The following COL25A1 variants were observed in gnomAD, a reference collection of about 807,000 sequenced individuals.
The protein encoded by COL25A1 is collagen alpha-1(XXV) chain.
A neutral mutation model predicts 128.4 loss-of-function variants in COL25A1; 103 were observed. The observed-to-expected ratio is 0.80, with a 90% CI of 0.68 to 0.94. The LOEUF is 0.94. Among genes scored for constraint, COL25A1 ranks in the 40% least tolerant of loss-of-function variants. The probability of loss-of-function intolerance (pLI) is 0.00; values close to 1 mark genes in which losing one functional copy is unlikely to be tolerated. For synonymous variants in COL25A1, 279 were observed against 277.2 expected, an observed-to-expected ratio of 1.01 and a Z score of -0.06; for missense variants, 745 against 840.0, an observed-to-expected ratio of 0.89 and a Z score of 1.40.
chr4:109,047,809 T>G (rs1760583389), intron 5 of COL25A1, among the ~76,000 whole-genome samples: 1 of 147,800 alleles, frequency 6.8e-6, no homozygotes, highest in Non-Finnish European at 1.5e-5. Flanking sequence ...CTCGGCTCAC[T>G]GCAAGCTCCA....
chr4:109,104,388 T>C (rs946706239), intron 3 of COL25A1, among the ~76,000 whole-genome samples: 1 of 112,162 alleles, frequency 8.9e-6, no homozygotes, highest in Non-Finnish European at 1.8e-5. Flanking sequence ...AATAAATAAA[T>C]AAAAAGGAAA....
At chr4:109,227,518 TA>T (rs1196728809) in intron 3 of COL25A1, among the ~76,000 whole-genome samples, 1 of 152,240 alleles carries the variant, frequency 6.6e-6, no homozygotes, top group Non-Finnish European at 1.5e-5. Flanking sequence ...ACAAATTTTG[TA>T]ACTATAAACT....
intron 3 of COL25A1, among the ~76,000 whole-genome samples, chr4:109,183,074 C>T (rs940347150): frequency 2.6e-5 from 4 of 152,096 alleles, no homozygotes. Context: ...ACTTTAGTTA[C>T]ATGCAACCCT....
Position 108,940,639 on chromosome 4 carries a change from T to C in COL25A1, c.572A>G (p.Gln191Arg). 1 of 1,592,576 alleles carries C rather than the reference T, an allele frequency of 6.3e-7. No homozygotes were observed. Among genetic ancestry groups the C allele is most frequent in the Non-Finnish European group, 8.5e-7 (1 of 1,170,664 alleles). The part of the protein sequence containing the change: ...LIKRRLIKGD[Q>R]GQAGPPGPPG... ...GGGTCCTGGAGGCCCTGCCTGTCCT[T>C]GGTCACCCTGTGATGGAGAAGGGAA... Residue 191 changes from glutamine to arginine, a missense_variant, in exon 10 of 38, where the codon CAA (glutamine) becomes CGA (arginine). Physicochemically the swap from Gln to Arg is conservative, Grantham distance 43 (BLOSUM62 1). Coordinates refer to ENST00000399132, the MANE Select transcript of COL25A1 (RefSeq NM_198721.4).
At chr4:109,041,033 T>C (rs1418327719) in intron 5 of COL25A1, among the ~76,000 whole-genome samples, 1 of 152,112 alleles carries the variant, frequency 6.6e-6, no homozygotes, top group African/African-American at 2.4e-5. Flanking sequence ...TTAGTCACTT[T>C]TTTTCACAGA....
At chr4:108,902,306 AC>A (rs1742937148) in intron 13 of COL25A1, among the ~76,000 whole-genome samples, 1 of 151,950 alleles carries the variant, frequency 6.6e-6, no homozygotes, top group Non-Finnish European at 1.5e-5. Context: ...TGAGGTAGGT[AC>A]TATTTTTATC....
chr4:108,879,902 A>G (rs1739916718), intron 19 of COL25A1, among the ~76,000 whole-genome samples: 1 of 152,074 alleles, frequency 6.6e-6, no homozygotes, highest in Admixed American at 6.5e-5. Flanking sequence ...TGTGCCTCCC[A>G]GGTTCAAGCA....
At chr4:109,266,048 G>C (rs1355090946) in intron 3 of COL25A1, among the ~76,000 whole-genome samples, 2 of 152,026 alleles carry the variant, frequency 1.3e-5, no homozygotes, top group Non-Finnish European at 2.9e-5. Context: ...GTCGACTCTT[G>C]AGGACTAACA....
chr4:109,107,610 G>A (rs1766568087), intron 3 of COL25A1, among the ~76,000 whole-genome samples: 1 of 152,106 alleles, frequency 6.6e-6, no homozygotes, highest in Admixed American at 6.6e-5. Context: ...AAGAGATGAG[G>A]ATCAGCTATT....
chr4:109,028,365 T>TC lies in COL25A1; in HGVS notation c.421-17991dup, dbSNP rs1455606040. 5.3e-5 allele frequency among the ~76,000 whole-genome samples: 8 copies of TC among 152,274 alleles called. No homozygotes were observed. In the East Asian group the frequency reaches 1.5e-3, roughly 29 times the overall value. ...CTCAAGTAATCCTCCTGTCTTGGCC[T>TC]CCCAGTGTGCTGGGATTACAAGCAT... On this transcript the variant is annotated intron_variant, in intron 5 of 37. Coordinates refer to ENST00000399132, the MANE Select transcript of COL25A1 (RefSeq NM_198721.4).
intron 5 of COL25A1, among the ~76,000 whole-genome samples, chr4:109,031,346 G>C (rs1451033391): frequency 6.6e-6 from 1 of 151,698 alleles, no homozygotes; most frequent in East Asian, 2.0e-4. Context: ...TCGATCTTCT[G>C]ACCTCGTGAT....
intron 3 of COL25A1, among the ~76,000 whole-genome samples, chr4:109,094,223 T>A (rs995341925): frequency 1.3e-5 from 2 of 152,218 alleles, no homozygotes; most frequent in African/African-American, 4.8e-5. Context: ...AGGAAACCCA[T>A]CCAAACCACA....
At chr4:108,897,943 G>T (rs1038140385) in intron 15 of COL25A1, among the ~76,000 whole-genome samples, 1 of 151,056 alleles carries the variant, frequency 6.6e-6, no homozygotes, top group Admixed American at 6.7e-5. Flanking sequence ...CGCCTGGTAT[G>T]GTGCTGATAC....
intron 3 of COL25A1, among the ~76,000 whole-genome samples, chr4:109,065,018 T>C (rs1047762538): frequency 2.0e-5 from 3 of 152,174 alleles, no homozygotes; most frequent in African/African-American, 7.2e-5. Context: ...AGAATTCTTA[T>C]TGGCTTTCCA....
intron 3 of COL25A1, among the ~76,000 whole-genome samples, chr4:109,098,837 A>G (rs72885178): frequency 1.5e-4 from 23 of 152,384 alleles, no homozygotes; most frequent in African/African-American, 5.5e-4. Flanking sequence ...TTGAAAGATT[A>G]GACAACAGAG....
intron 3 of COL25A1, among the ~76,000 whole-genome samples, chr4:109,241,313 T>G (rs531034976): frequency 6.6e-6 from 1 of 152,226 alleles, no homozygotes; most frequent in Non-Finnish European, 1.5e-5. Flanking sequence ...CTTTTTAGCT[T>G]TGCCAACATT....
intron 8 of COL25A1, among the ~76,000 whole-genome samples, chr4:108,962,694 C>T (rs1895744): frequency 0.3 from 46,129 of 151,718 alleles, 7,575 homozygotes; most frequent in South Asian, 0.46. Context: ...GTTCTTGGTA[C>T]GTGGAACTGT....
chr4:108,949,029 A>T (rs1749096883), intron 8 of COL25A1, among the ~76,000 whole-genome samples: 1 of 152,144 alleles, frequency 6.6e-6, no homozygotes, highest in Admixed American at 6.6e-5. Context: ...AGAAGATGAG[A>T]CCCCATGAAA....
chr4:108,983,915 T>A (rs905329981), intron 6 of COL25A1, among the ~76,000 whole-genome samples: 1 of 152,032 alleles, frequency 6.6e-6, no homozygotes, highest in African/African-American at 2.4e-5. Context: ...GCTTCCACAG[T>A]GTGGAAGGGG....
Sources: gnomAD v4.1 joint callset for allele counts (sites outside exome capture counted in the v4.1 genomes callset) on GRCh38, gnomAD v4.1.1 for gene constraint, MANE v1.5 for transcripts, NCBI Gene and HGNC (gene_info 2026-07-23, HGNC 2026-07-21) for gene names.